SELENOO: variants seen among roughly 807,000 people sequenced by gnomAD.
The protein encoded by SELENOO is protein adenylyltransferase SelO, mitochondrial.
In SELENOO, 74 loss-of-function variants were observed where a neutral mutation model predicts 58.7. The observed-to-expected ratio is 1.26, with a 90% confidence interval of 1.04 to 1.53. The LOEUF (loss-of-function observed/expected upper bound fraction) is 1.53. SELENOO is among the 40% of genes most tolerant of loss of function. The pLI, the probability that SELENOO is intolerant of heterozygous loss-of-function variation, is 0.00. For missense variants in SELENOO, 1,149 were observed against 970.0 expected, an observed-to-expected ratio of 1.18 and a Z score of -2.45; for synonymous variants, 543 against 453.2, an observed-to-expected ratio of 1.20 and a Z score of -2.52.
At position 50,208,630 on chromosome 22, in the gene SELENOO, G is replaced by A. The variant is rs751966456; in HGVS notation, c.853G>A (p.Asp285Asn). 8 of 1,613,872 alleles carry A rather than the reference G, an allele frequency of 5.0e-6. No homozygotes were observed. The highest frequency in any genetic ancestry group is 4.0e-5 in the African/African-American group (3 of 75,052). ...GRNDIRVQLL[D>N]YVISSFYPEI... ...GAACGACATTCGAGTGCAGCTGCTCGACTATGTCATCAGCTCCTTTTACCC... is the reference window on the plus strand; with the variant it reads ...GAACGACATTCGAGTGCAGCTGCTCAACTATGTCATCAGCTCCTTTTACCC... The change falls in exon 3 of 9, where the codon GAC (aspartate) becomes AAC (asparagine). Residue 285 changes from aspartate to asparagine, a missense_variant. Physicochemically the swap from Asp to Asn is conservative, Grantham distance 23. Coordinates refer to ENST00000380903, the MANE Select transcript of SELENOO (RefSeq NM_031454.2).
intron 5 of SELENOO, 106 bp downstream of exon 5, chr22:50,211,017 GC>G: frequency 8.5e-7 from 1 of 1,180,964 alleles, no homozygotes; most frequent in Non-Finnish European, 1.2e-6. Context: ...CACTCCCTGG[GC>G]CCACCCCAGC....
Position 50,217,529 on chromosome 22 carries a change from C to T in SELENOO, c.*160C>T. On this transcript the variant is annotated 3_prime_UTR_variant, in exon 9 of 9. Transcript: ENST00000380903. The stretch of plus-strand genomic sequence containing the variant: ...GCAGAGACATCCAGTCAGGACCTGA[C>T]CCGTCTCTGTCTGAGGCCGGCTCAG... 1 of 1,066,742 alleles carries T rather than the reference C, an allele frequency of 9.4e-7. No homozygotes were observed. The highest frequency in any genetic ancestry group is 1.3e-6 in the Non-Finnish European group (1 of 746,764). 66.1% of individuals were successfully genotyped at this position (1,066,742 alleles called of 1,614,324 possible).
At chr22:50,215,947 T>C (rs180991849) in intron 6 of SELENOO, 80 bp downstream of exon 6, 1 of 1,337,038 alleles carries the variant, frequency 7.5e-7, no homozygotes. Flanking sequence ...GGGGAGAAGC[T>C]AGAGACAGAG....
At chr22:50,211,528 G>A (rs2064371569) in intron 5 of SELENOO, among the ~76,000 whole-genome samples, 1 of 152,134 alleles carries the variant, frequency 6.6e-6, no homozygotes, top group Non-Finnish European at 1.5e-5. Context: ...TTAGCTGTGG[G>A]CTTTTACCAT....
chr22:50,210,539 A>T, intron 4 of SELENOO, 92 bp from the exon 5 acceptor site: 3 of 1,574,796 alleles, frequency 1.9e-6, no homozygotes, highest in African/African-American at 1.3e-5. Flanking sequence ...GCCACTTGGG[A>T]CCTTCCCCTG....
chr22:50,213,434 A>G (rs572237557), intron 5 of SELENOO, among the ~76,000 whole-genome samples: 1 of 152,170 alleles, frequency 6.6e-6, no homozygotes, highest in African/African-American at 2.4e-5. Context: ...GTTTATTACA[A>G]CTTGTTTTGT....
At position 50,201,411 on chromosome 22, in the gene SELENOO, C is replaced by G. The variant is rs1230900042; in HGVS notation, c.375C>G (p.Ser125Arg). ...EAEAEAALFF[S>R]GNALLPGAEP... ...AGGCCGAGGCCGCGCTGTTCTTCAG[C>G]GGCAACGCGCTCCTGCCGGGCGCCG... Residue 125 changes from serine to arginine, a missense_variant, in exon 1 of 9, where the codon AGC becomes AGG. Ser to Arg is a moderately radical substitution (Grantham distance 110). Coordinates refer to ENST00000380903, the MANE Select transcript of SELENOO (RefSeq NM_031454.2). 1 of 1,343,170 alleles carries G rather than the reference C, an allele frequency of 7.4e-7. No homozygotes were observed. Among genetic ancestry groups the G allele is most frequent in the Non-Finnish European group, 9.6e-7 (1 of 1,042,238 alleles). 83.2% of individuals were successfully genotyped at this position (1,343,170 alleles called of 1,614,324 possible).
chr22:50,212,224 GA>G (rs1383053442), intron 5 of SELENOO, among the ~76,000 whole-genome samples: 6 of 152,174 alleles, frequency 3.9e-5, no homozygotes, highest in African/African-American at 1.4e-4. Flanking sequence ...TTGTTCGTAA[GA>G]GTATTTGGTA....
At chr22:50,205,453 C>A (rs2064327052) in intron 1 of SELENOO, 1 of 152,200 alleles carries the variant, frequency 6.6e-6, no homozygotes, top group African/African-American at 2.4e-5. Flanking sequence ...AGCTTGGCGG[C>A]ATTGCCTGTA....
chr22:50,216,862 G>T lies in SELENOO; in HGVS notation c.1674G>T (p.Trp558Cys). 1 of 1,607,718 alleles carries T rather than the reference G, an allele frequency of 6.2e-7. No homozygotes were observed. The change falls in exon 7 of 9, where the codon TGG becomes TGT. Residue 558 changes from tryptophan to cysteine, a missense_variant. Transcript: ENST00000380903. The stretch of plus-strand genomic sequence containing the variant: ...GGAACCAGGGCCACTGGGCTGACTG[G>T]CTACAGGCGTACAGGTGAGCCCTGC... ...QSRNQGHWAD[W>C]LQAYRARLDK...
chr22:50,217,356 CATG>C lies in SELENOO; in HGVS notation c.2000_2002del (p.Sec667del). ...CTCTGGGCAGCAGAACTGTGCGTGA[CATG>C]ATCTTCGTAACGGCCTCGGCACGCT... is the stretch of plus-strand genomic sequence containing the variant. On this transcript the variant is annotated inframe_deletion, in exon 9 of 9. Coordinates refer to ENST00000380903, the MANE Select transcript of SELENOO (RefSeq NM_031454.2). 5.0e-6 allele frequency: 8 copies of C among 1,612,802 alleles called. No homozygotes were observed. The highest frequency in any genetic ancestry group is 6.8e-6 in the Non-Finnish European group (8 of 1,179,914).
chr22:50,213,299 G>A (rs938227812), intron 5 of SELENOO, among the ~76,000 whole-genome samples: 1 of 152,170 alleles, frequency 6.6e-6, no homozygotes, highest in African/African-American at 2.4e-5. Context: ...GATCGCAAGT[G>A]ATCTGCCTCA....
intron 6 of SELENOO, among the ~76,000 whole-genome samples, chr22:50,216,215 CGCCCACG>C (rs1254937353): frequency 6.6e-6 from 1 of 152,206 alleles, no homozygotes; most frequent in Non-Finnish European, 1.5e-5. Flanking sequence ...TGAAGAGTCC[CGCCCACG>C]TGCAGGATGA....
rs750069869 is a variant in SELENOO at position 50,210,318 on chromosome 22, G to A, written c.1070+7G>A. ...CCTTTGGCTTCCTGGACAGGTAAGT[G>A]GCCCTGGGGCCCAGCAAAGTGCAGG... is the stretch of plus-strand genomic sequence containing the variant. On this transcript the variant is annotated splice_region_variant and intron_variant, in intron 4 of 8. Transcript: ENST00000380903. The A allele has an allele frequency of 1.2e-6, 2 of 1,612,560 alleles. No individual in the cohort carries two copies. The highest frequency in any genetic ancestry group is 3.3e-5 in the Admixed American group (2 of 59,880).
In SELENOO at chr22:50,207,462, G is replaced by A. The variant is rs146137850; in HGVS notation, c.758+942G>A. 6.1e-4 allele frequency among the ~76,000 whole-genome samples: 93 copies of A among 152,060 alleles called. 1 individual carries two copies. Among genetic ancestry groups the A allele is most frequent in the African/African-American group, 2.0e-3 (85 of 41,494 alleles). On this transcript the variant is annotated intron_variant, in intron 2 of 8. Transcript: ENST00000380903. Reference sequence around the variant, plus strand: ...TTTTGATGTCACCTTGCCACCTGGCGTCTAGCACTTCCTCCTGAACACCTG... The same window carrying A: ...TTTTGATGTCACCTTGCCACCTGGCATCTAGCACTTCCTCCTGAACACCTG...
Position 50,208,703 on chromosome 22 carries a change from CCTT to C in SELENOO, c.931_933del (p.Phe311del), listed in dbSNP as rs1569102023. The C allele has an allele frequency of 1.2e-6, 2 of 1,612,498 alleles. No homozygotes were observed. Among genetic ancestry groups the C allele is most frequent in the Admixed American group, 3.3e-5 (2 of 60,000 alleles). On this transcript the variant is annotated inframe_deletion, in exon 3 of 9. Coordinates refer to ENST00000380903, the MANE Select transcript of SELENOO (RefSeq NM_031454.2). ...AGCGACAGCGTGCAGAGAAATGCTG[CCTT>C]CTTCCGGGAGGTCAGTGGGCCGCAC... is the stretch of plus-strand genomic sequence containing the variant.
At position 50,217,247 on chromosome 22, in the gene SELENOO, G is replaced by A. The variant is rs2272852; in HGVS notation, c.1888G>A (p.Glu630Lys). 0.023 allele frequency: 37,664 copies of A among 1,611,684 alleles called. 672 individuals are homozygous for A. Among genetic ancestry groups the A allele is most frequent in the South Asian group, 0.06 (5,456 of 91,008 alleles). Residue 630 changes from glutamate (E) to lysine (K), a missense_variant, in exon 9 of 9, where the codon GAG becomes AAG. Physicochemically the swap from Glu to Lys is moderately conservative, Grantham distance 56. Coordinates refer to ENST00000380903, the MANE Select transcript of SELENOO (RefSeq NM_031454.2). ...LKLLETPYHCEAGAATDAEAT... is the reference protein window; with the variant it reads ...LKLLETPYHCKAGAATDAEAT... ...ACTACTGGAGACCCCTTACCACTGC[G>A]AGGCGGGGGCCGCCACAGACGCCGA... is the stretch of plus-strand genomic sequence containing the variant.
chr22:50,212,651 G>A (rs923858197), intron 5 of SELENOO, among the ~76,000 whole-genome samples: 1 of 151,872 alleles, frequency 6.6e-6, no homozygotes, highest in Non-Finnish European at 1.5e-5. Context: ...ACTCCGCTCC[G>A]AGTCTGTGAA....
chr22:50,215,360 G>T (rs1478491262), intron 5 of SELENOO, among the ~76,000 whole-genome samples: 1 of 152,038 alleles, frequency 6.6e-6, no homozygotes, highest in Non-Finnish European at 1.5e-5. Flanking sequence ...GGAGGCTGAG[G>T]AGTGGGGTGT....
Sources: allele counts gnomAD v4.1 joint callset (sites outside exome capture counted in the v4.1 genomes callset), GRCh38; gene constraint gnomAD v4.1.1; transcripts MANE v1.5; gene names NCBI Gene and HGNC (gene_info 2026-07-23, HGNC 2026-07-21).